Variants in RBFOX1 observed in about 807,000 individuals in gnomAD.
RBFOX1 encodes the protein RNA binding fox-1 homolog 1, also known as RNA binding protein fox-1 homolog 1.
A neutral mutation model predicts 57.7 loss-of-function variants in RBFOX1; 8 were observed. That is an observed-to-expected ratio of 0.14 (90% CI 0.08 to 0.25). The LOEUF is 0.25. Ranked by LOEUF, RBFOX1 falls within the 10% of genes least tolerant of loss-of-function variation. RBFOX1 has a pLI of 1.00. For missense variants in RBFOX1, 611 were observed against 548.5 expected (o/e 1.11, Z -1.14); for synonymous variants, 326 against 222.4 (o/e 1.47, Z -4.15).
chr16:6,937,550 G>T (rs976543941), intron 3 of RBFOX1, among the ~76,000 whole-genome samples: 1 of 152,110 alleles, frequency 6.6e-6, no homozygotes, highest in Non-Finnish European at 1.5e-5. Context: ...TAGTGGTCAA[G>T]GCACAGCCTA....
At chr16:7,330,525 TAGAGAGAG>T (rs138727480) in intron 4 of RBFOX1, among the ~76,000 whole-genome samples, 5 of 132,906 alleles carry the variant, frequency 3.8e-5, no homozygotes, top group East Asian at 2.1e-4. Flanking sequence ...TGTGTGTGTG[TAGAGAGAG>T]AGAGAGAGAG....
chr16:6,314,065 G>A (rs1599532691), intron 1 of RBFOX1, among the ~76,000 whole-genome samples: 1 of 152,178 alleles, frequency 6.6e-6, no homozygotes, highest in African/African-American at 2.4e-5. Context: ...TAAAGGTGTG[G>A]GTTTGGACTC....
chr16:7,571,869 C>G (rs950055931), intron 5 of RBFOX1, among the ~76,000 whole-genome samples: 2 of 152,208 alleles, frequency 1.3e-5, no homozygotes, highest in Non-Finnish European at 2.9e-5. Flanking sequence ...TGGCTCAGGC[C>G]TGTAATCCCA....
intron 3 of RBFOX1, among the ~76,000 whole-genome samples, chr16:6,894,785 T>A (rs1225102280): frequency 6.6e-6 from 1 of 152,198 alleles, no homozygotes; most frequent in Non-Finnish European, 1.5e-5. Flanking sequence ...AAAGCCATTT[T>A]CCCTGTGTTT....
intron 4 of RBFOX1, among the ~76,000 whole-genome samples, chr16:7,128,110 C>G (rs148848745): frequency 1.3e-5 from 2 of 152,208 alleles, no homozygotes; most frequent in African/African-American, 4.8e-5. Flanking sequence ...GGCTTACTTT[C>G]TATGAAATGG....
chr16:5,851,326 C>A (rs1352487327), intron 3 of RBFOX1, among the ~76,000 whole-genome samples: 2 of 152,158 alleles, frequency 1.3e-5, no homozygotes, highest in Non-Finnish European at 2.9e-5. Flanking sequence ...TTTCGTTTAT[C>A]CTGCAAAGGC....
chr16:6,331,209 G>A (rs896160687), intron 2 of RBFOX1, among the ~76,000 whole-genome samples: 2 of 152,142 alleles, frequency 1.3e-5, no homozygotes, highest in African/African-American at 4.8e-5. Flanking sequence ...CCAGCACTTC[G>A]GGAGGCCAAG....
intron 3 of RBFOX1, among the ~76,000 whole-genome samples, chr16:7,023,985 A>G (rs1217002499): frequency 6.6e-6 from 1 of 152,164 alleles, no homozygotes; most frequent in Non-Finnish European, 1.5e-5. Flanking sequence ...TTTTGATAAG[A>G]CAGCCACTTA....
chr16:7,307,321 C>T (rs1259104787), intron 4 of RBFOX1, among the ~76,000 whole-genome samples: 1 of 152,170 alleles, frequency 6.6e-6, no homozygotes, highest in East Asian at 1.9e-4. Flanking sequence ...CATGAACATC[C>T]AACCTTTCCT....
At chr16:6,247,923 A>G (rs985183236) in intron 1 of RBFOX1, among the ~76,000 whole-genome samples, 21 of 151,746 alleles carry the variant, frequency 1.4e-4, no homozygotes, top group Admixed American at 1.3e-3. Context: ...ACATTCCAAC[A>G]CTGGTTAATG....
chr16:6,047,065 A>G (rs1461017072), intron 1 of RBFOX1, among the ~76,000 whole-genome samples: 2 of 152,194 alleles, frequency 1.3e-5, no homozygotes, highest in Non-Finnish European at 2.9e-5. Context: ...ATATTCTCGG[A>G]CCCAAGGAAG....
chr16:7,594,541 AC>A (rs1231086776), intron 7 of RBFOX1, among the ~76,000 whole-genome samples: 1 of 152,238 alleles, frequency 6.6e-6, no homozygotes, highest in African/African-American at 2.4e-5. Context: ...GTCAGTGAAG[AC>A]AAAATACGGA....
intron 10 of RBFOX1, among the ~76,000 whole-genome samples, chr16:7,622,114 C>G (rs1255347314): frequency 1.3e-5 from 2 of 151,936 alleles, no homozygotes; most frequent in Non-Finnish European, 2.9e-5. Flanking sequence ...TGGATTTGGC[C>G]AAAAGTCTGT....
chr16:5,782,979 C>G (rs1285661992), intron 3 of RBFOX1, among the ~76,000 whole-genome samples: 1 of 152,174 alleles, frequency 6.6e-6, no homozygotes, highest in African/African-American at 2.4e-5. Flanking sequence ...GAGGGTCATT[C>G]ACTTTGTCGA....
chr16:5,882,928 T>C (rs1324829157), intron 4 of RBFOX1, among the ~76,000 whole-genome samples: 1 of 152,246 alleles, frequency 6.6e-6, no homozygotes, highest in Non-Finnish European at 1.5e-5. Context: ...TAAATGAATA[T>C]TTAAAATGCA....
At chr16:6,902,874 G>C (rs966699020) in intron 3 of RBFOX1, among the ~76,000 whole-genome samples, 3 of 152,158 alleles carry the variant, frequency 2.0e-5, no homozygotes, top group African/African-American at 2.4e-5. Context: ...TGTTTCATCA[G>C]ACATTGACTA....
Position 5,273,453 on chromosome 16 carries a change from G to C in RBFOX1, c.219+33348G>C, listed in dbSNP as rs191770436. 8.5e-5 allele frequency among the ~76,000 whole-genome samples: 13 copies of C among 152,246 alleles called. No homozygotes were observed. In the East Asian group the frequency reaches 2.5e-3, roughly 29 times the overall value. Reference sequence around the variant, plus strand: ...CCACTCTCAGCCCACCCCAAAGAGAGGCTGGAATTGGGCTTCCAAAGATCT... The same window carrying C: ...CCACTCTCAGCCCACCCCAAAGAGACGCTGGAATTGGGCTTCCAAAGATCT... On this transcript the variant is annotated intron_variant, in intron 1 of 2. Transcript: ENST00000585867.
chr16:6,256,579 A>T (rs1455731501), intron 1 of RBFOX1, among the ~76,000 whole-genome samples: 64 of 151,960 alleles, frequency 4.2e-4, no homozygotes, highest in Admixed American at 4.2e-3. Flanking sequence ...GATTAAACCG[A>T]TATAATCAAT....
At chr16:6,245,990 T>G (rs534520672) in intron 1 of RBFOX1, among the ~76,000 whole-genome samples, 17 of 152,352 alleles carry the variant, frequency 1.1e-4, no homozygotes, top group African/African-American at 4.1e-4. Flanking sequence ...TTTTTCTAAA[T>G]GCTCTTTAAC....
Sources: allele counts gnomAD v4.1 joint callset (sites outside exome capture counted in the v4.1 genomes callset), GRCh38; gene constraint gnomAD v4.1.1; transcripts MANE v1.5; gene names NCBI Gene and HGNC (gene_info 2026-07-23, HGNC 2026-07-21).